Variants in APTX observed in about 807,000 individuals in gnomAD.
The protein encoded by APTX is forkhead-associated domain histidine triad-like protein.
In APTX, 33 loss-of-function variants were observed where a neutral mutation model predicts 42.3. The observed-to-expected ratio is 0.78, with a 90% CI of 0.59 to 1.04. The LOEUF (loss-of-function observed/expected upper bound fraction) is 1.04. APTX is among the 50% of genes least tolerant of loss of function. APTX has a pLI of 0.00. For synonymous variants in APTX, 130 were observed against 146.7 expected (o/e 0.89, Z 0.82); for missense variants, 421 against 415.1 (o/e 1.01, Z -0.12).
At chr9:33,024,264 T>C (rs1838655788) in intron 1 of APTX, among the ~76,000 whole-genome samples, 1 of 152,220 alleles carries the variant, frequency 6.6e-6, no homozygotes, top group Non-Finnish European at 1.5e-5. Context: ...CAGCCCACGC[T>C]GGCGTCCCAA....
upstream of APTX, among the ~76,000 whole-genome samples, chr9:33,005,517 G>A (rs1241806875): frequency 2.0e-5 from 3 of 151,318 alleles, no homozygotes; most frequent in Admixed American, 6.6e-5. Flanking sequence ...GCTTACTGCA[G>A]CCTTGACCAC....
rs1832267392 is a variant in APTX at position 32,986,734 on chromosome 9, C to T, written c.484-704G>A. Among the ~76,000 whole-genome samples the T allele has an allele frequency of 1.3e-5, 2 of 151,938 alleles. 1 individual carries two copies. The highest frequency in any genetic ancestry group is 4.2e-4 in the South Asian group (2 of 4,818). On this transcript the variant is annotated intron_variant, in intron 4 of 7. Coordinates refer to ENST00000379817, the MANE Select transcript of APTX (RefSeq NM_001195248.2). ...CAGGCTGGTCTCGAACTCCTGACCT[C>T]AGGTGATCTGCCCATCTCGGCCTCC...
chr9:32,988,024 A>G (rs1008736950), intron 3 of APTX, 59 bp downstream of exon 3: 2 of 1,577,890 alleles, frequency 1.3e-6, no homozygotes, highest in East Asian at 4.5e-5. Context: ...CAGACACTCT[A>G]AAGTCAACAG....
rs140999932 is a variant in APTX, at chr9:32,993,557, G to A, written c.-4-3662C>T. Among the ~76,000 whole-genome samples, 804 of 152,192 alleles carry A rather than the reference G, an allele frequency of 5.3e-3. 8 individuals carry two copies. The highest frequency in any genetic ancestry group is 0.018 in the African/African-American group (756 of 41,518). ...AATTATCAAATGCTATTTACTCTCT[G>A]CATGAGAGTAATAATTATCCCAGTT... is the stretch of plus-strand genomic sequence containing the variant. On this transcript the variant is annotated intron_variant, in intron 1 of 7. Transcript: ENST00000379817.
intron 6 of APTX, chr9:32,979,825 G>C (rs1166567975): frequency 5.8e-6 from 1 of 173,338 alleles, no homozygotes; most frequent in Non-Finnish European, 1.3e-5. Flanking sequence ...TGCTCTTTAA[G>C]ATTTGATATC....
chr9:32,983,133 G>C (rs1831092345), intron 6 of APTX, among the ~76,000 whole-genome samples: 1 of 151,838 alleles, frequency 6.6e-6, no homozygotes, highest in Admixed American at 6.6e-5. Context: ...GACAGGTTTT[G>C]CCATGTTGCC....
chr9:32,988,727 C>A, intron 2 of APTX, among the ~76,000 whole-genome samples: 1 of 144,222 alleles, frequency 6.9e-6, no homozygotes, highest in Non-Finnish European at 1.5e-5. Flanking sequence ...CCATTTCTCA[C>A]ACGAACTCTT....
chr9:33,024,776 A>G (rs1226656271), intron 1 of APTX: 3 of 149,188 alleles, frequency 2.0e-5, no homozygotes, highest in Non-Finnish European at 1.5e-5. Flanking sequence ...CCCAAGGCCT[A>G]TGCTATTGGT....
rs768982333 is a variant in APTX, at chr9:32,974,478, T to C, written c.854A>G (p.Glu285Gly). 2.5e-6 allele frequency: 4 copies of C among 1,595,784 alleles called. No homozygotes were observed. In the South Asian group the frequency reaches 4.4e-5, roughly 18 times the overall value. ...NKKHWNSFNT[E>G]YFLESQAVIE... ...TTTACCTTGTGATTCTAGGAAGTAT[T>C]CTGTATTGAAAGAATTCCAATGTTT... The change falls in exon 7 of 8, where the codon GAA becomes GGA. Residue 285 changes from glutamate (E) to glycine (G), a missense_variant. By Grantham distance (98) the Glu-to-Gly change is moderately conservative. Transcript: ENST00000379817.
At chr9:32,975,103 G>C (rs193016955) in intron 6 of APTX, among the ~76,000 whole-genome samples, 1 of 152,106 alleles carries the variant, frequency 6.6e-6, no homozygotes, top group Non-Finnish European at 1.5e-5. Context: ...GGGGCCCTGA[G>C]ATGAGGAAAA....
Position 33,001,423 on chromosome 9 carries a change from G to A in APTX, c.-5+144C>T, listed in dbSNP as rs76100164. The A allele has an allele frequency of 9.7e-6, 15 of 1,542,386 alleles. No homozygotes were observed. The African/African-American group carries it at 1.4e-4, about 14-fold the overall frequency. On this transcript the variant is annotated intron_variant, in intron 1 of 7. Coordinates refer to ENST00000379817, the MANE Select transcript of APTX (RefSeq NM_001195248.2). ...ACAGCCCAAGGTAGTAACAGGGGAG[G>A]ACGGAGAAAGCAGCCGTGAGAGCAG...
In APTX at chr9:32,996,251, T is replaced by C. The variant is rs144249269; in HGVS notation, c.-5+5316A>G. Among the ~76,000 whole-genome samples the C allele has an allele frequency of 1.7e-3, 250 of 150,642 alleles. 1 individual carries two copies. The highest frequency in any genetic ancestry group is 5.7e-3 in the African/African-American group (236 of 41,090). On this transcript the variant is annotated intron_variant, in intron 1 of 7. Transcript: ENST00000379817. The stretch of plus-strand genomic sequence containing the variant: ...TGTATACCCTTCAAGTATAATATAC[T>C]GAACAGCATCTCCCAAATAAATCGC...
At chr9:33,018,802 C>T (rs1441618042) in intron 1 of APTX, among the ~76,000 whole-genome samples, 1 of 152,168 alleles carries the variant, frequency 6.6e-6, no homozygotes, top group Admixed American at 6.5e-5. Context: ...TTGCTGGAAC[C>T]TGGGAGGCGG....
At chr9:33,006,345 A>G (rs994956283), upstream of APTX, among the ~76,000 whole-genome samples, 8 of 152,232 alleles carry the variant, frequency 5.3e-5, no homozygotes, top group Middle Eastern at 6.3e-3. Flanking sequence ...GCCAAGTCTA[A>G]CAACAAATAG....
At chr9:33,020,177 A>C (rs1838262950) in intron 1 of APTX, 1 of 289,054 alleles carries the variant, frequency 3.5e-6, no homozygotes, top group African/African-American at 2.2e-5. Flanking sequence ...CTAAAGAAAA[A>C]AGTATAGCTG....
chr9:32,983,261 A>C (rs2118633261), intron 6 of APTX, among the ~76,000 whole-genome samples: 1 of 152,344 alleles, frequency 6.6e-6, no homozygotes, highest in Admixed American at 6.5e-5. Flanking sequence ...AAAAAGCCAG[A>C]CCAAAAAAGA....
At chr9:32,975,856 T>C (rs949483963) in intron 6 of APTX, among the ~76,000 whole-genome samples, 2 of 152,156 alleles carry the variant, frequency 1.3e-5, no homozygotes, top group African/African-American at 4.8e-5. Context: ...TCAAAATGAT[T>C]TGCAATAGGA....
At chr9:32,976,070 A>G (rs1206446802) in intron 6 of APTX, among the ~76,000 whole-genome samples, 2 of 152,236 alleles carry the variant, frequency 1.3e-5, no homozygotes, top group Non-Finnish European at 2.9e-5. Flanking sequence ...TGTTTAAACA[A>G]TAAAATGTAA....
chr9:32,985,599 G>A (rs1831801609), intron 5 of APTX, among the ~76,000 whole-genome samples: 1 of 152,132 alleles, frequency 6.6e-6, no homozygotes, highest in African/African-American at 2.4e-5. Context: ...GCCTCCCAAA[G>A]TGCTGGGATT....
Sources: allele counts gnomAD v4.1 joint callset (sites outside exome capture counted in the v4.1 genomes callset), GRCh38; gene constraint gnomAD v4.1.1; transcripts MANE v1.5; gene names NCBI Gene and HGNC (gene_info 2026-07-23, HGNC 2026-07-21).